The following ADORA2B variants were observed in gnomAD, a reference collection of about 807,000 sequenced individuals.
ADORA2B encodes adenosine A2b receptor.
Under a neutral mutation model 20.8 loss-of-function variants are expected in ADORA2B, and 18 were observed. The ratio of observed to expected loss-of-function variants is 0.87; its 90% confidence interval spans 0.60 to 1.29. The LOEUF is 1.29. Ranked by LOEUF, ADORA2B falls within the 50% of genes most tolerant of loss-of-function variation. The probability of loss-of-function intolerance (pLI) is 0.00; values close to 1 mark genes in which losing one functional copy is unlikely to be tolerated. For synonymous variants in ADORA2B, 179 were observed against 178.3 expected, an observed-to-expected ratio of 1.00 and a Z score of -0.03; for missense variants, 441 against 422.7, an observed-to-expected ratio of 1.04 and a Z score of -0.38.
chr17:15,854,252 G>A, the ADORA2B span, among the ~76,000 whole-genome samples: 36 of 152,280 alleles, frequency 2.4e-4, no homozygotes, highest in African/African-American at 7.5e-4. Context: ...ACCGCGCCTG[G>A]CCTCAGAGAT....
chr17:15,891,631 C>G, the ADORA2B span, among the ~76,000 whole-genome samples: 1 of 151,984 alleles, frequency 6.6e-6, no homozygotes, highest in African/African-American at 2.4e-5. Context: ...CTGTTTAGAT[C>G]GCCATCAGCC....
At chr17:15,928,696 G>A in the ADORA2B span, among the ~76,000 whole-genome samples, 1 of 152,214 alleles carries the variant, frequency 6.6e-6, no homozygotes, top group African/African-American at 2.4e-5. Flanking sequence ...GTGAAGGTGG[G>A]TCAGGTGTGT....
chr17:15,951,542 C>A (rs1263321789), intron 1 of ADORA2B, among the ~76,000 whole-genome samples: 1 of 152,250 alleles, frequency 6.6e-6, no homozygotes, highest in Non-Finnish European at 1.5e-5. Context: ...TGTTTATAAT[C>A]CTGCTGGGGC....
the ADORA2B span, among the ~76,000 whole-genome samples, chr17:15,892,506 G>A: frequency 6.6e-6 from 1 of 151,978 alleles, no homozygotes; most frequent in East Asian, 1.9e-4. Context: ...GGTCTTGAAC[G>A]TCTGACCTCA....
the ADORA2B span, among the ~76,000 whole-genome samples, chr17:15,886,191 A>C: frequency 5.9e-5 from 9 of 152,334 alleles, no homozygotes; most frequent in African/African-American, 1.4e-4. Context: ...TTAGAAAGAA[A>C]GAACCAGACT....
intron 1 of ADORA2B, among the ~76,000 whole-genome samples, chr17:15,971,986 G>A (rs117192090): frequency 3.9e-5 from 6 of 152,210 alleles, no homozygotes; most frequent in East Asian, 3.9e-4. Flanking sequence ...CTAGGTCTTC[G>A]GGATACCAAT....
At chr17:15,940,227 A>G (rs937330353), upstream of ADORA2B, among the ~76,000 whole-genome samples, 2 of 152,192 alleles carry the variant, frequency 1.3e-5, no homozygotes, top group Non-Finnish European at 1.5e-5. Flanking sequence ...TGTGTGTGCA[A>G]TGGTGCAGGA....
the ADORA2B span, among the ~76,000 whole-genome samples, chr17:15,853,307 T>C: frequency 6.6e-6 from 1 of 152,180 alleles, no homozygotes; most frequent in African/African-American, 2.4e-5. Context: ...ATGCTTTCAG[T>C]ACAACAAAAA....
At chr17:15,953,008 GGGCGGGCAGGCTT>G (rs1165522554) in intron 1 of ADORA2B, among the ~76,000 whole-genome samples, 9 of 152,240 alleles carry the variant, frequency 5.9e-5, no homozygotes, top group African/African-American at 2.2e-4. Context: ...TCCCAGGCAC[GGGCGGGCAGGCTT>G]CCACTCAGTC....
At chr17:15,956,976 A>G (rs1347875120) in intron 1 of ADORA2B, among the ~76,000 whole-genome samples, 1 of 152,192 alleles carries the variant, frequency 6.6e-6, no homozygotes, top group Non-Finnish European at 1.5e-5. Context: ...CCAAGGTACA[A>G]TTTTAATCTG....
At chr17:15,888,519 C>T in the ADORA2B span, among the ~76,000 whole-genome samples, 3 of 127,034 alleles carry the variant, frequency 2.4e-5, 1 homozygote, top group Admixed American at 1.6e-4. Flanking sequence ...TTAAGGCCAG[C>T]CCAGATTCAA....
At chr17:15,855,215 G>A in the ADORA2B span, among the ~76,000 whole-genome samples, 1 of 152,168 alleles carries the variant, frequency 6.6e-6, no homozygotes, top group Non-Finnish European at 1.5e-5. Flanking sequence ...ACAGGCATGA[G>A]CCACCACACC....
chr17:15,975,235 C>T lies in ADORA2B; in HGVS notation c.892C>T (p.Arg298Cys), dbSNP rs753096102. ...CTATGCTTACCGGAACCGAGACTTC[C>T]GCTACACTTTTCACAAAATTATCTC... ...IVYAYRNRDFRYTFHKIISRY... is the reference protein window; with the variant it reads ...IVYAYRNRDFCYTFHKIISRY... Residue 298 changes from arginine to cysteine, a missense_variant, in exon 2 of 2, where the codon CGC (arginine) becomes TGC (cysteine). Arg to Cys is a radical substitution (Grantham distance 180, BLOSUM62 -3). Coordinates refer to ENST00000304222, the MANE Select transcript of ADORA2B (RefSeq NM_000676.4). 29 of 1,613,826 alleles carry T rather than the reference C, an allele frequency of 1.8e-5. No homozygotes were observed. The highest frequency in any genetic ancestry group is 6.7e-5 in the East Asian group (3 of 44,886).
At chr17:15,950,907 C>G (rs1969893055) in intron 1 of ADORA2B, among the ~76,000 whole-genome samples, 2 of 152,266 alleles carry the variant, frequency 1.3e-5, no homozygotes, top group Non-Finnish European at 2.9e-5. Flanking sequence ...CTCTAGTTAT[C>G]CCATTAAACC....
At chr17:15,942,591 G>A (rs1969754252), upstream of ADORA2B, among the ~76,000 whole-genome samples, 3 of 152,264 alleles carry the variant, frequency 2.0e-5, no homozygotes, top group Middle Eastern at 6.8e-3. Context: ...GTGATTCTGG[G>A]CACAGGAAAT....
At chr17:15,860,175 G>T in the ADORA2B span, among the ~76,000 whole-genome samples, 1 of 152,162 alleles carries the variant, frequency 6.6e-6, no homozygotes, top group African/African-American at 2.4e-5. Context: ...CCTTAGAGTT[G>T]TGAGCCCTTA....
the ADORA2B span, among the ~76,000 whole-genome samples, chr17:15,905,353 A>C: frequency 2.6e-5 from 4 of 151,874 alleles, no homozygotes; most frequent in Non-Finnish European, 5.9e-5. Flanking sequence ...CATTTCTGGC[A>C]TATAGGATAA....
At chr17:15,936,880 C>T in the ADORA2B span, among the ~76,000 whole-genome samples, 2 of 152,140 alleles carry the variant, frequency 1.3e-5, no homozygotes, top group African/African-American at 4.8e-5. Context: ...CACTGGAGCC[C>T]AGGAGTTCGA....
At chr17:15,883,842 G>C in the ADORA2B span, among the ~76,000 whole-genome samples, 3 of 152,204 alleles carry the variant, frequency 2.0e-5, no homozygotes, top group South Asian at 2.1e-4. Context: ...AATGCCTGCT[G>C]TCTCCATCCA....
Sources: gnomAD v4.1 joint callset for allele counts (sites outside exome capture counted in the v4.1 genomes callset) on GRCh38, gnomAD v4.1.1 for gene constraint, MANE v1.5 for transcripts, NCBI Gene and HGNC (gene_info 2026-07-23, HGNC 2026-07-21) for gene names.